Variants in CHST8 observed in about 807,000 individuals in gnomAD.
The protein encoded by CHST8 is carbohydrate sulfotransferase 8.
A neutral mutation model predicts 15.0 loss-of-function variants in CHST8; 10 were observed. The observed-to-expected ratio is 0.67, with a 90% confidence interval of 0.41 to 1.13. The LOEUF is 1.13. CHST8 is among the 50% of genes most tolerant of loss of function. The probability of loss-of-function intolerance (pLI) is 0.00; values close to 1 mark genes in which losing one functional copy is unlikely to be tolerated. For synonymous variants in CHST8, 259 were observed against 256.6 expected, an observed-to-expected ratio of 1.01 and a Z score of -0.09; for missense variants, 634 against 608.2, an observed-to-expected ratio of 1.04 and a Z score of -0.45.
chr19:33,706,488 C>T (rs1232993930), intron 3 of CHST8, among the ~76,000 whole-genome samples: 4 of 152,150 alleles, frequency 2.6e-5, no homozygotes, highest in Non-Finnish European at 5.9e-5. Context: ...GAAGTCTGGG[C>T]TGGCTGCTGT....
In CHST8 at chr19:33,639,675, C is replaced by T. The variant is rs555902728; in HGVS notation, c.-164+17379C>T. Among the ~76,000 whole-genome samples the T allele has an allele frequency of 9.9e-5, 15 of 151,880 alleles. No individual in the cohort carries two copies. In the South Asian group the frequency reaches 1.0e-3, roughly 11 times the overall value. On this transcript the variant is annotated intron_variant, in intron 1 of 4. Coordinates refer to ENST00000650847, the MANE Select transcript of CHST8 (RefSeq NM_001127895.2). ...AGAGTGCAGGGTAAAGTCTTGGGAC[C>T]GGGAGAGGAAGAAGCTGTGTTCTCA... is the stretch of plus-strand genomic sequence containing the variant.
At chr19:33,759,223 G>A (rs527935803) in intron 3 of CHST8, among the ~76,000 whole-genome samples, 1 of 152,304 alleles carries the variant, frequency 6.6e-6, no homozygotes, top group East Asian at 1.9e-4. Context: ...CCCCTTTATG[G>A]GGCCACCCCA....
At chr19:33,696,848 T>C (rs1310340767) in intron 3 of CHST8, among the ~76,000 whole-genome samples, 2 of 151,926 alleles carry the variant, frequency 1.3e-5, no homozygotes, top group Admixed American at 1.3e-4. Flanking sequence ...TTAAGTTTTT[T>C]TTTTTTTTTG....
At chr19:33,762,778 C>A (rs1299131142) in intron 3 of CHST8, among the ~76,000 whole-genome samples, 3 of 152,112 alleles carry the variant, frequency 2.0e-5, no homozygotes, top group Admixed American at 2.0e-4. Flanking sequence ...AATTTTTAGC[C>A]CATTTTACCA....
rs1237785640 is a variant in CHST8, at chr19:33,676,021, C to A, written c.-87+8178C>A. 2.6e-5 allele frequency among the ~76,000 whole-genome samples: 4 copies of A among 152,188 alleles called. No individual in the cohort carries two copies. The East Asian group carries it at 7.8e-4, about 30-fold the overall frequency. On this transcript the variant is annotated intron_variant, in intron 2 of 4. Transcript: ENST00000650847. Reference sequence around the variant, plus strand: ...GTCCATTCTGGATTTGGCCTGAGGTCCACCCATTGCCTCCTCTTTCATTGT... The same window carrying A: ...GTCCATTCTGGATTTGGCCTGAGGTACACCCATTGCCTCCTCTTTCATTGT...
In CHST8 at chr19:33,765,981, A is replaced by C. The variant is rs939439375; in HGVS notation, c.131-5432A>C. ...TTGTAGGCCTGAAGAGAAAAGAGTGAAGTTCCCCAAGTAGGAGGGAGTCTC... is the reference window on the plus strand; with the variant it reads ...TTGTAGGCCTGAAGAGAAAAGAGTGCAGTTCCCCAAGTAGGAGGGAGTCTC... On this transcript the variant is annotated intron_variant, in intron 3 of 4. Coordinates refer to ENST00000650847, the MANE Select transcript of CHST8 (RefSeq NM_001127895.2). 3.7e-4 allele frequency among the ~76,000 whole-genome samples: 56 copies of C among 151,976 alleles called. 1 individual carries two copies. The highest frequency in any genetic ancestry group is 1.3e-3 in the African/African-American group (54 of 41,364).
chr19:33,671,381 A>C (rs1007989), intron 2 of CHST8, among the ~76,000 whole-genome samples: 49,761 of 152,006 alleles, frequency 0.33, 9,832 homozygotes, highest in African/African-American at 0.54. Flanking sequence ...TCCCAGGCCA[A>C]CCTGTTTCTG....
chr19:33,624,693 C>T (rs774815482), intron 1 of CHST8, among the ~76,000 whole-genome samples: 2 of 152,198 alleles, frequency 1.3e-5, no homozygotes, highest in Non-Finnish European at 2.9e-5. Context: ...TTGGAAACCT[C>T]GCGCAGGCTG....
At chr19:33,671,199 G>C (rs918920017) in intron 2 of CHST8, among the ~76,000 whole-genome samples, 2 of 152,176 alleles carry the variant, frequency 1.3e-5, no homozygotes, top group Admixed American at 6.5e-5. Flanking sequence ...CTCATGGCCG[G>C]CAAGTGTGAT....
intron 2 of CHST8, among the ~76,000 whole-genome samples, chr19:33,675,461 G>T (rs1470831814): frequency 6.6e-6 from 1 of 152,236 alleles, no homozygotes; most frequent in Non-Finnish European, 1.5e-5. Flanking sequence ...ACACTGTAGA[G>T]CCTCGATTTC....
intron 3 of CHST8, among the ~76,000 whole-genome samples, chr19:33,737,620 G>A (rs892084316): frequency 2.6e-5 from 4 of 152,152 alleles, no homozygotes; most frequent in South Asian, 2.1e-4. Flanking sequence ...ATCTGTTTGC[G>A]GAACTGTGTC....
At chr19:33,760,224 G>A (rs1974687509) in intron 3 of CHST8, among the ~76,000 whole-genome samples, 2 of 53,378 alleles carry the variant, frequency 3.7e-5, no homozygotes, top group African/African-American at 1.5e-4. Flanking sequence ...GTCTTTGCAT[G>A]GCTATAAAGC....
intron 3 of CHST8, among the ~76,000 whole-genome samples, chr19:33,744,815 C>G (rs1974280304): frequency 6.6e-6 from 1 of 152,170 alleles, no homozygotes; most frequent in Non-Finnish European, 1.5e-5. Context: ...GTGGCATGAT[C>G]TCAGCCCACT....
At chr19:33,648,702 C>G in intron 1 of CHST8, among the ~76,000 whole-genome samples, 1 of 152,120 alleles carries the variant, frequency 6.6e-6, no homozygotes, top group East Asian at 1.9e-4. Context: ...AATTCCACTC[C>G]TGGGTGTATA....
chr19:33,647,350 C>A (rs1025689687), intron 1 of CHST8, among the ~76,000 whole-genome samples: 1 of 152,158 alleles, frequency 6.6e-6, no homozygotes, highest in African/African-American at 2.4e-5. Flanking sequence ...AATGCATGGT[C>A]CCTTTTGCCC....
intron 3 of CHST8, among the ~76,000 whole-genome samples, chr19:33,770,522 C>T (rs1358042885): frequency 6.6e-6 from 1 of 152,210 alleles, no homozygotes; most frequent in African/African-American, 2.4e-5. Context: ...TCCTTGTCCT[C>T]CTGCGACTTT....
At chr19:33,766,811 G>A (rs139895866) in intron 3 of CHST8, among the ~76,000 whole-genome samples, 4 of 152,354 alleles carry the variant, frequency 2.6e-5, no homozygotes, top group East Asian at 3.9e-4. Context: ...GGAAGTGGAC[G>A]TGGAGTGGAC....
intron 2 of CHST8, chr19:33,685,310 G>T (rs557656160): frequency 6.6e-6 from 1 of 151,784 alleles, no homozygotes; most frequent in Non-Finnish European, 1.5e-5. Context: ...GGAATCCTTC[G>T]CCCTGCCCTG....
intron 2 of CHST8, among the ~76,000 whole-genome samples, chr19:33,681,350 A>G (rs1180486362): frequency 6.6e-6 from 1 of 152,196 alleles, no homozygotes; most frequent in Non-Finnish European, 1.5e-5. Context: ...GTGGCCTTTG[A>G]TCCCTCAAAC....
Sources: allele counts gnomAD v4.1 joint callset (sites outside exome capture counted in the v4.1 genomes callset), GRCh38; gene constraint gnomAD v4.1.1; transcripts MANE v1.5; gene names NCBI Gene and HGNC (gene_info 2026-07-23, HGNC 2026-07-21).